The following NFASC variants were observed in gnomAD, a reference collection of about 807,000 sequenced individuals.
NFASC encodes the protein neurofascin.
NFASC carries 43 observed loss-of-function variants against 147.5 expected under a neutral mutation model. The ratio of observed to expected loss-of-function variants is 0.29; its 90% confidence interval spans 0.23 to 0.38. The LOEUF (loss-of-function observed/expected upper bound fraction) is 0.38, where lower values mean the gene tolerates loss of function less well. NFASC is among the 10% of genes least tolerant of loss of function. The probability of loss-of-function intolerance (pLI) is 1.00; values close to 1 mark genes in which losing one functional copy is unlikely to be tolerated. For missense variants in NFASC, 1,320 were observed against 1,689.0 expected (o/e 0.78, Z 3.83); for synonymous variants, 622 against 665.5 (o/e 0.93, Z 1.01).
intron 28 of NFASC, chr1:205,009,957 T>C (rs995140234): frequency 2.1e-6 from 1 of 481,254 alleles, no homozygotes; most frequent in African/African-American, 1.9e-5. Flanking sequence ...AGAATGACCT[T>C]TCCTCCCCTT....
rs187254260 is a variant in NFASC at position 204,891,227 on chromosome 1, C to A, written c.-199-29405C>A. Among the ~76,000 whole-genome samples the A allele has an allele frequency of 7.8e-4, 118 of 152,244 alleles. 1 individual carries two copies. The highest frequency in any genetic ancestry group is 5.0e-3 in the South Asian group (24 of 4,820). On this transcript the variant is annotated intron_variant, in intron 1 of 29. Transcript: ENST00000339876. ...ATCCCAGAGAACAGAAGTGAAGGAACAGGCAAGAAGGGCGAGGAGAGGATG... is the reference window on the plus strand; with the variant it reads ...ATCCCAGAGAACAGAAGTGAAGGAAAAGGCAAGAAGGGCGAGGAGAGGATG...
Position 205,016,816 on chromosome 1 carries a change from C to A in NFASC, c.*277C>A. The A allele has an allele frequency of 1.9e-6, 1 of 517,818 alleles. No homozygotes were observed. The highest frequency in any genetic ancestry group is 3.7e-5 in the East Asian group (1 of 27,280). The allele number at this position is 517,818 out of a possible 1,614,324, so 32.1% of individuals were successfully genotyped here. A position where few individuals can be genotyped will look rare whatever the true frequency, so the allele number is the denominator to read the frequency against. On this transcript the variant is annotated 3_prime_UTR_variant, in exon 30 of 30. Transcript: ENST00000339876. This position sits in a 1 kb window ranked among gnomAD's most constrained non-coding sequence, Gnocchi z 5.1. ...CTGGCCCCTTGCCCGGTCTCGCAGC[C>A]ACCCCGAGCGTTCCACCACACTGTC...
rs1448506685 is a variant in NFASC, at chr1:204,975,312, A to G, written c.1600A>G (p.Arg534Gly). 6.2e-7 allele frequency: 1 copy of G among 1,614,022 alleles called. No homozygotes were observed. Among genetic ancestry groups the G allele is most frequent in the Non-Finnish European group, 8.5e-7 (1 of 1,179,900 alleles). Residue 534 changes from arginine to glycine, a missense_variant, in exon 15 of 30, where the codon AGA becomes GGA. This residue lies in a region of NFASC where 981 missense variants were observed against 1,289.5 expected (regional missense o/e 0.76). Transcript: ENST00000339876. This position sits in a 1 kb window ranked among gnomAD's most constrained non-coding sequence, Gnocchi z 4.0. Reference protein sequence around the residue: ...IYRMPEDQVARRGTTVQLECR... With the variant: ...IYRMPEDQVAGRGTTVQLECR... The stretch of plus-strand genomic sequence containing the variant: ...CCGGATGCCCGAGGACCAGGTGGCC[A>G]GAAGGGGCACCACGGTGCAGCTGGA...
At chr1:204,995,842 C>G (rs1480081557) in intron 24 of NFASC, among the ~76,000 whole-genome samples, 1 of 152,070 alleles carries the variant, frequency 6.6e-6, no homozygotes, top group African/African-American at 2.4e-5. Flanking sequence ...CCTCCCTGCC[C>G]TAGCCCCTTT....
chr1:204,865,807 G>A (rs963181361), intron 1 of NFASC, among the ~76,000 whole-genome samples: 14 of 152,160 alleles, frequency 9.2e-5, no homozygotes, highest in African/African-American at 3.4e-4. Flanking sequence ...CTTGAGCATA[G>A]TGCTGGCTTC....
At chr1:204,859,507 G>T (rs890747506) in intron 1 of NFASC, among the ~76,000 whole-genome samples, 2 of 152,190 alleles carry the variant, frequency 1.3e-5, no homozygotes, top group African/African-American at 4.8e-5. Context: ...TCTGTCCTTA[G>T]TGCCACATAG....
At chr1:204,934,930 T>C (rs1359063414) in intron 2 of NFASC, among the ~76,000 whole-genome samples, 1 of 152,246 alleles carries the variant, frequency 6.6e-6, no homozygotes, top group Non-Finnish European at 1.5e-5. Context: ...CCAGTAAATA[T>C]GCACTAGAGT....
chr1:204,948,329 C>T (rs2093912329), intron 3 of NFASC, among the ~76,000 whole-genome samples: 1 of 152,234 alleles, frequency 6.6e-6, no homozygotes, highest in Non-Finnish European at 1.5e-5. Flanking sequence ...TTGGTTCTGT[C>T]CCTGTAAGAA....
chr1:204,994,512 G>A (rs1377374240), intron 24 of NFASC, among the ~76,000 whole-genome samples: 1 of 152,200 alleles, frequency 6.6e-6, no homozygotes, highest in African/African-American at 2.4e-5. Context: ...AGGGCCACAT[G>A]AGAGAGTGTA....
At chr1:204,874,192 C>T (rs1446749526) in intron 1 of NFASC, among the ~76,000 whole-genome samples, 1 of 152,196 alleles carries the variant, frequency 6.6e-6, no homozygotes, top group African/African-American at 2.4e-5. Flanking sequence ...CGCTGGGGGA[C>T]AGGCCCATGT....
At chr1:205,006,240 T>G (rs10900436) in intron 27 of NFASC, among the ~76,000 whole-genome samples, 33,591 of 152,150 alleles carry the variant, frequency 0.22, 5,337 homozygotes, top group African/African-American at 0.45. Flanking sequence ...CACCCATTAA[T>G]CAATAAGTAG....
chr1:204,973,204 G>A, intron 11 of NFASC, 72 bp from the exon 12 acceptor site: 1 of 1,558,214 alleles, frequency 6.4e-7, no homozygotes, highest in Non-Finnish European at 8.8e-7. Context: ...TGGGAGCCCT[G>A]GCCAGAGCCC....
intron 1 of NFASC, among the ~76,000 whole-genome samples, chr1:204,833,265 CA>C (rs111483516): frequency 0.023 from 3,567 of 152,352 alleles, 90 homozygotes; most frequent in African/African-American, 0.059. Context: ...ATTTCATCCT[CA>C]AAGGGTTAAC....
intron 8 of NFASC, among the ~76,000 whole-genome samples, chr1:204,965,609 C>A (rs1462222227): frequency 6.6e-6 from 1 of 152,128 alleles, no homozygotes; most frequent in Non-Finnish European, 1.5e-5. Flanking sequence ...TTAATAGCCA[C>A]TGAGGAGAGG....
rs764222450 is a variant in NFASC, at chr1:204,986,114, G to C, written c.2471-1304G>C. On this transcript the variant is annotated intron_variant, in intron 21 of 29. Coordinates refer to ENST00000339876, the MANE Select transcript of NFASC (RefSeq NM_001005388.3). This position sits in a 1 kb window ranked among gnomAD's most constrained non-coding sequence, Gnocchi z 4.2. ...CAAGGAGTTCACCACCCCGGAAGGA[G>C]GTAGGTCTGGCCTGCAGCTCTTCAG... 6.2e-7 allele frequency: 1 copy of C among 1,612,368 alleles called. No homozygotes were observed. Among genetic ancestry groups the C allele is most frequent in the Non-Finnish European group, 8.5e-7 (1 of 1,178,352 alleles).
intron 2 of NFASC, among the ~76,000 whole-genome samples, chr1:204,938,147 C>T (rs536035078): frequency 5.9e-5 from 9 of 152,344 alleles, no homozygotes; most frequent in Non-Finnish European, 1.3e-4. Flanking sequence ...CACGGGATCT[C>T]ATCCATCTGC....
chr1:204,906,644 G>A (rs1321917515), intron 1 of NFASC, among the ~76,000 whole-genome samples: 1 of 151,782 alleles, frequency 6.6e-6, no homozygotes, highest in Non-Finnish European at 1.5e-5. Flanking sequence ...TAAATAAACT[G>A]CTATAAATAT....
intron 1 of NFASC, among the ~76,000 whole-genome samples, chr1:204,907,944 A>ATGTGTGTG (rs58491017): frequency 6.6e-6 from 1 of 150,606 alleles, no homozygotes; most frequent in Non-Finnish European, 1.5e-5. Context: ...ATGAGAATAA[A>ATGTGTGTG]TGTGTGTGTG....
At chr1:204,959,571 T>A (rs1303136352) in intron 8 of NFASC, among the ~76,000 whole-genome samples, 1 of 152,120 alleles carries the variant, frequency 6.6e-6, no homozygotes, top group Non-Finnish European at 1.5e-5. Context: ...AAGAACAAGA[T>A]AACATGCTCG....
Sources: gnomAD v4.1 joint callset for allele counts (sites outside exome capture counted in the v4.1 genomes callset) on GRCh38, gnomAD v4.1.1 for gene constraint, gnomAD v4.1.1 regional missense constraint, Gnocchi (gnomAD v3.1) non-coding constraint, MANE v1.5 for transcripts, NCBI Gene and HGNC (gene_info 2026-07-23, HGNC 2026-07-21) for gene names.